DBNL: variants seen among roughly 807,000 people sequenced by gnomAD.
DBNL encodes drebrin like.
In DBNL, 35 loss-of-function variants were observed where a neutral mutation model predicts 62.2. That is an observed-to-expected ratio of 0.56 (90% CI 0.43 to 0.75). The LOEUF (loss-of-function observed/expected upper bound fraction) is 0.75, where lower values mean the gene tolerates loss of function less well. Among genes scored for constraint, DBNL ranks in the 30% least tolerant of loss-of-function variants. The pLI, the probability that DBNL is intolerant of heterozygous loss-of-function variation, is 0.00. For missense variants in DBNL, 495 were observed against 578.4 expected (o/e 0.86, Z 1.48); for synonymous variants, 197 against 218.0 (o/e 0.90, Z 0.85).
intron 1 of DBNL, 31 bp downstream of exon 1, chr7:44,044,851 A>AGG: frequency 7.5e-7 from 1 of 1,329,528 alleles, no homozygotes. Flanking sequence ...GGGTCGGGCC[A>AGG]GGGGCTGCCT....
In DBNL at chr7:44,050,226, G is replaced by A; in HGVS notation, c.85G>A (p.Ala29Thr). The part of the protein sequence containing the change: ...VVTEKSPTDW[A>T]LFTYEGNSND... Reference sequence around the variant, plus strand: ...GAGCTCACTTGTGTTTCGTTTCAGGGCTCTCTTTACCTATGAAGGCAACAG... The same window carrying A: ...GAGCTCACTTGTGTTTCGTTTCAGGACTCTCTTTACCTATGAAGGCAACAG... Residue 29 changes from alanine (A) to threonine (T), a missense_variant and splice_region_variant, in exon 2 of 13, where the codon GCT becomes ACT. Ala to Thr is a moderately conservative substitution (Grantham distance 58). Coordinates refer to ENST00000448521, the MANE Select transcript of DBNL (RefSeq NM_001014436.3). 2 of 1,613,470 alleles carry A rather than the reference G, an allele frequency of 1.2e-6. No homozygotes were observed. The highest frequency in any genetic ancestry group is 1.7e-6 in the Non-Finnish European group (2 of 1,179,510).
rs2096156898 is a variant in DBNL, at chr7:44,065,068, T to TC, written c.*4156dup. The TC allele has an allele frequency of 6.2e-7, 1 of 1,611,338 alleles. No homozygotes were observed. The highest frequency in any genetic ancestry group is 1.7e-5 in the Admixed American group (1 of 60,002). On this transcript the variant is annotated 3_prime_UTR_variant, in exon 13 of 13. Transcript: ENST00000448521. ...CCAAGCCAGTGGGCCCCCACCCGAC[T>TC]CCCCACTCTGCAGCTTCCCAGAGGC...
Position 44,060,988 on chromosome 7 carries a change from T to C in DBNL, c.*72T>C, listed in dbSNP as rs2096147943. On this transcript the variant is annotated 3_prime_UTR_variant, in exon 13 of 13. Transcript: ENST00000448521. This position sits in a 1 kb window ranked among gnomAD's most constrained non-coding sequence, Gnocchi z 6.3. ...ATTGCTGGAAGAGGAGGCCTGGGAG[T>C]TGACATTCAGCACTCTTCCAGGAAT... 1 of 1,556,564 alleles carries C rather than the reference T, an allele frequency of 6.4e-7. No homozygotes were observed. The highest frequency in any genetic ancestry group is 8.7e-7 in the Non-Finnish European group (1 of 1,150,920).
chr7:44,062,685 G>A lies in DBNL; in HGVS notation c.*1769G>A, dbSNP rs553653043. The A allele has an allele frequency of 1.3e-4, 196 of 1,480,804 alleles. No individual in the cohort carries two copies. The East Asian group carries it at 3.5e-3, about 27-fold the overall frequency. The allele number at this position is 1,480,804 out of a possible 1,614,324, so 91.7% of individuals were successfully genotyped here. A position where few individuals can be genotyped will look rare whatever the true frequency, so the allele number is the denominator to read the frequency against. ...GGTTCTGGAGTCCCCACAGCTGATG[G>A]CGGTGTGAGCCTGGCATGCACGGCT... On this transcript the variant is annotated 3_prime_UTR_variant, in exon 13 of 13. Coordinates refer to ENST00000448521, the MANE Select transcript of DBNL (RefSeq NM_001014436.3).
chr7:44,067,609 C>G lies in DBNL; in HGVS notation c.*6693C>G, dbSNP rs2096162360. The stretch of plus-strand genomic sequence containing the variant: ...TCATTTGACAAGTAGTTGCTGGCCT[C>G]TGCAGTGTGCCAGAGCTTTCTTGGA... On this transcript the variant is annotated 3_prime_UTR_variant, in exon 13 of 13. Transcript: ENST00000448521. 6.6e-6 allele frequency: 1 copy of G among 152,230 alleles called. No individual in the cohort carries two copies. The highest frequency in any genetic ancestry group is 1.5e-5 in the Non-Finnish European group (1 of 68,046). The allele number at this position is 152,230 out of a possible 1,614,324, so 9.4% of individuals were successfully genotyped here.
In DBNL at chr7:44,066,029, A is replaced by G. The variant is rs2096159380; in HGVS notation, c.*5113A>G. The G allele has an allele frequency of 3.9e-6, 1 of 259,732 alleles. No homozygotes were observed. The highest frequency in any genetic ancestry group is 7.7e-6 in the Non-Finnish European group (1 of 130,430). 16.1% of individuals were successfully genotyped at this position (259,732 alleles called of 1,614,324 possible). On this transcript the variant is annotated 3_prime_UTR_variant, in exon 13 of 13. Transcript: ENST00000448521. Reference sequence around the variant, plus strand: ...GCAGGCAGAGGAGGAGAGCCAGAGGAGCTGGTGCAGACCACAGCTTTGTGG... The same window carrying G: ...GCAGGCAGAGGAGGAGAGCCAGAGGGGCTGGTGCAGACCACAGCTTTGTGG...
intron 1 of DBNL, among the ~76,000 whole-genome samples, chr7:44,048,804 G>T (rs758306734): frequency 2.0e-5 from 3 of 152,204 alleles, no homozygotes; most frequent in Non-Finnish European, 2.9e-5. Context: ...TTCAGTTGCT[G>T]CAAGGTTCAT....
In DBNL at chr7:44,045,481, C is replaced by A. The variant is rs375174984; in HGVS notation, c.83+661C>A. 1.1e-4 allele frequency among the ~76,000 whole-genome samples: 16 copies of A among 152,358 alleles called. No individual in the cohort carries two copies. The East Asian group carries it at 2.9e-3, about 28-fold the overall frequency. ...TATTTGGGAAAAGGTCCCATTTTCC[C>A]TCTACCACCCAAGATATCCTCACTT... On this transcript the variant is annotated intron_variant, in intron 1 of 12. Coordinates refer to ENST00000448521, the MANE Select transcript of DBNL (RefSeq NM_001014436.3).
chr7:44,058,233 C>CCGGGAGCAGCGCTAT lies in DBNL; in HGVS notation c.659_673dup (p.Arg220_Tyr224dup). ...AGCGTGAGCTGCGTGAGGCTGCACGCCGGGAGCAGCGCTATCAGGAGCAGG... is the reference window on the plus strand; with the variant it reads ...AGCGTGAGCTGCGTGAGGCTGCACGCCGGGAGCAGCGCTATCGGGAGCAGCGCTATCAGGAGCAGG... On this transcript the variant is annotated inframe_insertion, in exon 7 of 13. Transcript: ENST00000448521. The CCGGGAGCAGCGCTAT allele has an allele frequency of 3.2e-6, 5 of 1,576,582 alleles. No individual in the cohort carries two copies. Among genetic ancestry groups the CCGGGAGCAGCGCTAT allele is most frequent in the Non-Finnish European group, 4.3e-6 (5 of 1,162,772 alleles).
Position 44,063,216 on chromosome 7 carries a change from C to A in DBNL, c.*2300C>A, listed in dbSNP as rs2096152408. On this transcript the variant is annotated 3_prime_UTR_variant, in exon 13 of 13. Coordinates refer to ENST00000448521, the MANE Select transcript of DBNL (RefSeq NM_001014436.3). ...CCATAGTTCCCTCAGCCCAGTGTGA[C>A]TCCAGCCAGACTGAAGTTGAGGGTC... 1 of 484,266 alleles carries A rather than the reference C, an allele frequency of 2.1e-6. No homozygotes were observed. Among genetic ancestry groups the A allele is most frequent in the Non-Finnish European group, 3.8e-6 (1 of 264,162 alleles). The allele number at this position is 484,266 out of a possible 1,614,324, so 30.0% of individuals were successfully genotyped here. A position where few individuals can be genotyped will look rare whatever the true frequency, so the allele number is the denominator to read the frequency against.
chr7:44,065,077 T>G lies in DBNL; in HGVS notation c.*4161T>G. 6.2e-7 allele frequency: 1 copy of G among 1,612,382 alleles called. No individual in the cohort carries two copies. Among genetic ancestry groups the G allele is most frequent in the Non-Finnish European group, 8.5e-7 (1 of 1,179,950 alleles). ...TGGGCCCCCACCCGACTCCCCACTC[T>G]GCAGCTTCCCAGAGGCCTTCCCAGC... On this transcript the variant is annotated 3_prime_UTR_variant, in exon 13 of 13. Transcript: ENST00000448521.
rs771840892 is a variant in DBNL at position 44,058,970 on chromosome 7, C to T, written c.822C>T (p.Ser274=). 7 of 1,613,992 alleles carry T rather than the reference C, an allele frequency of 4.3e-6. No homozygotes were observed. Among genetic ancestry groups the T allele is most frequent in the Non-Finnish European group, 5.1e-6 (6 of 1,179,994 alleles). ...KERAMSTTSI[S]SPQPGKLRSP... ...GGGCCATGTCCACCACCTCCATCTC[C>T]AGTCCTCAGCCTGGTGAGCTCTCCC... The change falls in exon 9 of 13, where the codon TCC becomes TCT. Residue 274 remains serine, a synonymous_variant. Coordinates refer to ENST00000448521, the MANE Select transcript of DBNL (RefSeq NM_001014436.3).
Position 44,063,130 on chromosome 7 carries a change from G to A in DBNL, c.*2214G>A. The A allele has an allele frequency of 1.6e-6, 1 of 616,392 alleles. No homozygotes were observed. 38.2% of individuals were successfully genotyped at this position (616,392 alleles called of 1,614,324 possible). Reference sequence around the variant, plus strand: ...CCAAGCAGCCTACAGAAATAGCCCAGTGGTGAAAAAAATGGGGACTTCAGC... The same window carrying A: ...CCAAGCAGCCTACAGAAATAGCCCAATGGTGAAAAAAATGGGGACTTCAGC... On this transcript the variant is annotated 3_prime_UTR_variant, in exon 13 of 13. Coordinates refer to ENST00000448521, the MANE Select transcript of DBNL (RefSeq NM_001014436.3).
intron 4 of DBNL, among the ~76,000 whole-genome samples, chr7:44,053,313 T>C (rs1487163474): frequency 6.6e-6 from 1 of 152,250 alleles, no homozygotes; most frequent in African/African-American, 2.4e-5. Context: ...TTAGCACGCA[T>C]GTGCCCTTTT....
Position 44,056,905 on chromosome 7 carries a change from T to C in DBNL, c.474+2T>C. 6.2e-7 allele frequency: 1 copy of C among 1,613,646 alleles called. No homozygotes were observed. Among genetic ancestry groups the C allele is most frequent in the Non-Finnish European group, 8.5e-7 (1 of 1,179,940 alleles). On this transcript the variant is annotated splice_donor_variant, in intron 5 of 12. Transcript: ENST00000448521. LOFTEE classifies it high-confidence loss of function. The stretch of plus-strand genomic sequence containing the variant: ...GACGTGGGACCCCAGGCCCCAGTGG[T>C]GAGTGCTGCTTGCCCATCGCCAGCC...
In DBNL at chr7:44,058,369, G is replaced by C. The variant is rs1389319707; in HGVS notation, c.705-63G>C. ...ATCCCATGGAGGCGAGGAGGACTAA[G>C]GGGTGTGGCATGAGAAGCTGTGACT... is the stretch of plus-strand genomic sequence containing the variant. On this transcript the variant is annotated intron_variant, in intron 7 of 12. Transcript: ENST00000448521. 3.7e-6 allele frequency: 6 copies of C among 1,612,870 alleles called. No homozygotes were observed. The African/African-American group carries it at 5.3e-5, about 14-fold the overall frequency.
At position 44,044,793 on chromosome 7, in the gene DBNL, T is replaced by A; in HGVS notation, c.56T>A (p.Val19Glu). ...GCGCTGCAAGAGGCCTACGTGCGGG[T>A]GGTCACCGAGAAGTCCCCGACCGAC... ...GPALQEAYVR[V>E]VTEKSPTDWA... The change falls in exon 1 of 13, where the codon GTG becomes GAG. Residue 19 changes from valine to glutamate, a missense_variant. Val to Glu is a moderately radical substitution (Grantham distance 121). Coordinates refer to ENST00000448521, the MANE Select transcript of DBNL (RefSeq NM_001014436.3). The A allele has an allele frequency of 6.7e-7, 1 of 1,488,140 alleles. No homozygotes were observed. Among genetic ancestry groups the A allele is most frequent in the Non-Finnish European group, 8.9e-7 (1 of 1,119,834 alleles). 92.2% of individuals were successfully genotyped at this position (1,488,140 alleles called of 1,614,324 possible).
chr7:44,063,033 A>C lies in DBNL; in HGVS notation c.*2117A>C. The C allele has an allele frequency of 8.0e-7, 1 of 1,248,860 alleles. No homozygotes were observed. Among genetic ancestry groups the C allele is most frequent in the East Asian group, 2.3e-5 (1 of 42,810 alleles). 77.4% of individuals were successfully genotyped at this position (1,248,860 alleles called of 1,614,324 possible). ...GGTCCACAGAGCCAGTTCCCCTGGCACCAATTCCTTCCCAGCCCTGAGAAC... is the reference window on the plus strand; with the variant it reads ...GGTCCACAGAGCCAGTTCCCCTGGCCCCAATTCCTTCCCAGCCCTGAGAAC... On this transcript the variant is annotated 3_prime_UTR_variant, in exon 13 of 13. Coordinates refer to ENST00000448521, the MANE Select transcript of DBNL (RefSeq NM_001014436.3).
Position 44,056,892 on chromosome 7 carries a change from C to G in DBNL, c.463C>G (p.Gln155Glu). The G allele has an allele frequency of 6.2e-7, 1 of 1,613,944 alleles. No homozygotes were observed. The highest frequency in any genetic ancestry group is 1.1e-5 in the South Asian group (1 of 91,080). ...TGGCCGCTTCCAGGACGTGGGACCCCAGGCCCCAGTGGTGAGTGCTGCTTG... is the reference window on the plus strand; with the variant it reads ...TGGCCGCTTCCAGGACGTGGGACCCGAGGCCCCAGTGGTGAGTGCTGCTTG... Reference protein sequence around the residue: ...ESGRFQDVGPQAPVGSVYQKT... With the variant: ...ESGRFQDVGPEAPVGSVYQKT... Residue 155 changes from glutamine to glutamate, a missense_variant, in exon 5 of 13, where the codon CAG becomes GAG. Physicochemically the swap from Gln to Glu is conservative, Grantham distance 29 (BLOSUM62 2). Coordinates refer to ENST00000448521, the MANE Select transcript of DBNL (RefSeq NM_001014436.3).
Sources: gnomAD v4.1 joint callset for allele counts (sites outside exome capture counted in the v4.1 genomes callset) on GRCh38, gnomAD v4.1.1 for gene constraint, Gnocchi (gnomAD v3.1) non-coding constraint, MANE v1.5 for transcripts, NCBI Gene and HGNC (gene_info 2026-07-23, HGNC 2026-07-21) for gene names.